NSUN5: variants seen among roughly 807,000 people sequenced by gnomAD.
The protein encoded by NSUN5 is NOP2/Sun RNA methyltransferase 5, also known as 28S rRNA (cytosine-C(5))-methyltransferase.
Under a neutral mutation model 51.1 loss-of-function variants are expected in NSUN5, and 39 were observed. That is an observed-to-expected ratio of 0.76 (90% CI 0.59 to 1.00). The LOEUF (loss-of-function observed/expected upper bound fraction) is 1.00, where lower values mean the gene tolerates loss of function less well. Among genes scored for constraint, NSUN5 ranks in the 50% least tolerant of loss-of-function variants. The probability of loss-of-function intolerance (pLI) is 0.00; values close to 1 mark genes in which losing one functional copy is unlikely to be tolerated. For missense variants in NSUN5, 526 were observed against 614.0 expected, an observed-to-expected ratio of 0.86 and a Z score of 1.51; for synonymous variants, 266 against 271.5, an observed-to-expected ratio of 0.98 and a Z score of 0.20.
Position 73,303,661 on chromosome 7 carries a change from G to T in NSUN5, c.1225C>A (p.Pro409Thr), listed in dbSNP as rs1803896940. The change falls in exon 9 of 10, where the codon CCT (proline) becomes ACT (threonine). Residue 409 changes from proline (P) to threonine (T), a missense_variant. Pro to Thr is a conservative substitution (Grantham distance 38). Transcript: ENST00000438747. ...PGAEHCLRAS[P>T]ETTLSSGFFV... ...AAGCCACTGCTGAGTGTGGTCTCAG[G>T]GGAGGCCCGGAGGCAGTGCTCGGCA... 3 of 1,614,176 alleles carry T rather than the reference G, an allele frequency of 1.9e-6. No homozygotes were observed. Among genetic ancestry groups the T allele is most frequent in the Middle Eastern group, 1.6e-4 (1 of 6,062 alleles).
Position 73,304,819 on chromosome 7 carries a change from G to A in NSUN5, c.683C>T (p.Ser228Phe). ...GGCGGCACAGGCATCGATGACATGG[G>A]AGCCTGGCGGGGGGTCCAGCAGCAT... ...PAMLLDPPPGSHVIDACAAPG... is the reference protein window; with the variant it reads ...PAMLLDPPPGFHVIDACAAPG... Residue 228 changes from serine to phenylalanine, a missense_variant, in exon 6 of 10, where the codon TCC (serine) becomes TTC (phenylalanine). Physicochemically the swap from Ser to Phe is radical, Grantham distance 155. Coordinates refer to ENST00000438747, the MANE Select transcript of NSUN5 (RefSeq NM_148956.4). The A allele has an allele frequency of 6.2e-7, 1 of 1,613,934 alleles. No individual in the cohort carries two copies. Among genetic ancestry groups the A allele is most frequent in the South Asian group, 1.1e-5 (1 of 91,074 alleles).
At position 73,307,703 on chromosome 7, in the gene NSUN5, A is replaced by G. The variant is rs1804102480; in HGVS notation, c.271T>C (p.Trp91Arg). 5 of 1,601,480 alleles carry G rather than the reference A, an allele frequency of 3.1e-6. No homozygotes were observed. Among genetic ancestry groups the G allele is most frequent in the Middle Eastern group, 3.3e-4 (2 of 6,050 alleles). ...TGGTGCCGGCCCAACAGAGCCTTCC[A>G]TCGGCCCCCACCCCCTCGAAAGCCC... ...GKGFRGGGGRWKALLGRHQAR... is the reference protein window; with the variant it reads ...GKGFRGGGGRRKALLGRHQAR... Residue 91 changes from tryptophan (W) to arginine (R), a missense_variant, in exon 3 of 10, where the codon TGG (tryptophan) becomes CGG (arginine). Coordinates refer to ENST00000438747, the MANE Select transcript of NSUN5 (RefSeq NM_148956.4).
At chr7:73,308,103 A>G (rs782487586) in intron 2 of NSUN5, 2 of 453,926 alleles carry the variant, frequency 4.4e-6, no homozygotes, top group Non-Finnish European at 7.9e-6. Flanking sequence ...GCCAGATCAT[A>G]GCTCACTGCA....
Position 73,304,123 on chromosome 7 carries a change from A to G in NSUN5, c.935-87T>C, listed in dbSNP as rs1803933426. ...CTTCACAGAGGAGAACTTTTGTCCC[A>G]GGGTCCCAAGCCCATTAGTGTCAGA... On this transcript the variant is annotated intron_variant, in intron 7 of 9. Transcript: ENST00000438747. 3.8e-6 allele frequency: 6 copies of G among 1,568,730 alleles called. No homozygotes were observed. In the East Asian group the frequency reaches 6.8e-5, roughly 18 times the overall value.
intron 4 of NSUN5, among the ~76,000 whole-genome samples, chr7:73,306,414 A>G (rs1326438610): frequency 6.1e-5 from 8 of 130,908 alleles, no homozygotes; most frequent in Admixed American, 3.9e-4. Context: ...AAAAAAAAAA[A>G]GCTTAGCAGA....
At chr7:73,304,201 C>A (rs1803936932) in intron 7 of NSUN5, 29 bp downstream of exon 7, 2 of 1,583,762 alleles carry the variant, frequency 1.3e-6, no homozygotes, top group East Asian at 2.2e-5. Context: ...ATCTGCGAGT[C>A]CCTCGGCCAC....
rs1469919530 is a variant in NSUN5 at position 73,307,887 on chromosome 7, A to G, written c.217-130T>C. The G allele has an allele frequency of 9.7e-6, 8 of 823,030 alleles. No individual in the cohort carries two copies. The African/African-American group carries it at 1.4e-4, about 14-fold the overall frequency. 51.0% of individuals were successfully genotyped at this position (823,030 alleles called of 1,614,324 possible). A position where few individuals can be genotyped will look rare whatever the true frequency, so the allele number is the denominator to read the frequency against. On this transcript the variant is annotated intron_variant, in intron 2 of 9. Transcript: ENST00000438747. ...GATCACCTGACAAGATACAGGTGGG[A>G]TACCTTATCCAAGATCACACCAGAA...
chr7:73,308,365 AG>A (rs1804131309), intron 2 of NSUN5, 65 bp downstream of exon 2: 1 of 1,522,356 alleles, frequency 6.6e-7, no homozygotes. Context: ...ACGGCAGCAG[AG>A]CTGAGACCAG....
Position 73,307,430 on chromosome 7 carries a change from T to C in NSUN5, c.464A>G (p.Lys155Arg). The C allele has an allele frequency of 1.9e-6, 3 of 1,614,148 alleles. No individual in the cohort carries two copies. Among genetic ancestry groups the C allele is most frequent in the South Asian group, 2.2e-5 (2 of 91,076 alleles). The change falls in exon 4 of 10, where the codon AAG (lysine) becomes AGG (arginine). Residue 155 changes from lysine to arginine, a missense_variant. Transcript: ENST00000438747. ...ACCCTGATAGGAGAAACCTTGTCTC[T>C]TGAAATAATCAACTACATCATCGGA... ...TCSDDVVDYF[K>R]RQGFSYQGRA...
In NSUN5 at chr7:73,305,735, C is replaced by T. The variant is rs539553117; in HGVS notation, c.501-638G>A. On this transcript the variant is annotated intron_variant, in intron 4 of 9. Coordinates refer to ENST00000438747, the MANE Select transcript of NSUN5 (RefSeq NM_148956.4). ...CTATAACTCAGTAAAGGAGTCCCGC[C>T]GACTCTCCGACCCATGCAGAAATAG... 7.2e-5 allele frequency among the ~76,000 whole-genome samples: 11 copies of T among 152,180 alleles called. 1 individual carries two copies. The East Asian group carries it at 1.9e-3, about 27-fold the overall frequency.
intron 2 of NSUN5, 74 bp downstream of exon 2, chr7:73,308,357 G>A (rs1177842043): frequency 1.3e-6 from 2 of 1,508,598 alleles, no homozygotes. Context: ...CGCCGTGCAC[G>A]GCAGCAGAGC....
At chr7:73,304,451 A>G (rs782365712) in intron 6 of NSUN5, 43 bp from the exon 7 acceptor site, 9 of 1,561,356 alleles carry the variant, frequency 5.8e-6, no homozygotes, top group Non-Finnish European at 7.8e-6. Context: ...TGGAGCAGCT[A>G]AGGGCCTGTC....
chr7:73,307,506 C>T lies in NSUN5; in HGVS notation c.392-4G>A, dbSNP rs782710098. On this transcript the variant is annotated splice_polypyrimidine_tract_variant and splice_region_variant and intron_variant, in intron 3 of 9. Coordinates refer to ENST00000438747, the MANE Select transcript of NSUN5 (RefSeq NM_148956.4). ...ACAAATCGAGGCAGCTGGGAGGCTA[C>T]GTAGGACGCAATGAGCAGTGAGTAG... is the stretch of plus-strand genomic sequence containing the variant. The T allele has an allele frequency of 4.3e-6, 7 of 1,614,064 alleles. No individual in the cohort carries two copies. The highest frequency in any genetic ancestry group is 1.6e-4 in the Middle Eastern group (1 of 6,062).
intron 1 of NSUN5, 51 bp from the exon 2 acceptor site, chr7:73,308,604 G>GC (rs782367853): frequency 7.7e-5 from 122 of 1,586,038 alleles, no homozygotes; most frequent in Non-Finnish European, 9.9e-5. Flanking sequence ...GGCCCTCCTC[G>GC]CCGGGCCCCA....
rs1489117566 is a variant in NSUN5 at position 73,303,237 on chromosome 7, G to A, written c.*178C>T. ...AAAACTGTGATCTATCGTAGAGTAC[G>A]TTCTGCATTTTATTTTTGCAGGCAA... On this transcript the variant is annotated 3_prime_UTR_variant, in exon 10 of 10. Coordinates refer to ENST00000438747, the MANE Select transcript of NSUN5 (RefSeq NM_148956.4). 12 of 1,589,110 alleles carry A rather than the reference G, an allele frequency of 7.6e-6. No homozygotes were observed. The highest frequency in any genetic ancestry group is 1.8e-5 in the Admixed American group (1 of 56,550).
chr7:73,304,510 C>A, intron 6 of NSUN5, 102 bp from the exon 7 acceptor site: 1 of 1,198,650 alleles, frequency 8.3e-7, no homozygotes, highest in South Asian at 1.5e-5. Context: ...AATATTGAAA[C>A]GGCCTACGTT....
At position 73,307,396 on chromosome 7, in the gene NSUN5, G is replaced by A. The variant is rs781959031; in HGVS notation, c.498C>T (p.Ser166=). 1.9e-6 allele frequency: 3 copies of A among 1,612,640 alleles called. No individual in the cohort carries two copies. Among genetic ancestry groups the A allele is most frequent in the African/African-American group, 1.3e-5 (1 of 74,990 alleles). Residue 166 remains serine, a splice_region_variant and synonymous_variant, in exon 4 of 10, where the codon TCC becomes TCT. Transcript: ENST00000438747. ...CAGCCAGGGCTCTAAGCTCTCACCT[G>A]GAAGCCCGACCCTGATAGGAGAAAC... ...RQGFSYQGRA[S]SLDDLRALKG... is the part of the protein sequence containing the mutation.
Position 73,303,744 on chromosome 7 carries a change from C to G in NSUN5, c.1146-4G>C. 6.2e-7 allele frequency: 1 copy of G among 1,614,020 alleles called. No homozygotes were observed. The highest frequency in any genetic ancestry group is 8.5e-7 in the Non-Finnish European group (1 of 1,179,938). ...GGCAGGCAGGGCGGGAGCTAGCCTG[C>G]AAGAGAAACGGCCCCAATGCTGGGT... On this transcript the variant is annotated splice_polypyrimidine_tract_variant and splice_region_variant and intron_variant, in intron 8 of 9. Transcript: ENST00000438747.
rs1554541018 is a variant in NSUN5, at chr7:73,303,430, T to G, written c.1386A>C (p.Thr462=). Residue 462 remains threonine (T), a synonymous_variant, in exon 10 of 10, where the codon ACA becomes ACC. Transcript: ENST00000438747. ...GGAGCCTCTGCTATGTGCAAGGCGG[T>G]GTGCAAGCACCGGCTGCGGCTCTTT... is the stretch of plus-strand genomic sequence containing the variant. ...RQQRAAAGAC[T]PPCT 1 of 1,614,038 alleles carries G rather than the reference T, an allele frequency of 6.2e-7. No individual in the cohort carries two copies. The highest frequency in any genetic ancestry group is 8.5e-7 in the Non-Finnish European group (1 of 1,180,044).
Sources: allele counts gnomAD v4.1 joint callset (sites outside exome capture counted in the v4.1 genomes callset), GRCh38; gene constraint gnomAD v4.1.1; transcripts MANE v1.5; gene names NCBI Gene and HGNC (gene_info 2026-07-23, HGNC 2026-07-21).